Variants in CDH12 observed in about 807,000 individuals in gnomAD.
CDH12 encodes the protein cadherin-12.
CDH12 carries 41 observed loss-of-function variants against 74.1 expected under a neutral mutation model. The ratio of observed to expected loss-of-function variants is 0.55; its 90% CI spans 0.43 to 0.72. The LOEUF (loss-of-function observed/expected upper bound fraction) is 0.72. Among genes scored for constraint, CDH12 ranks in the 30% least tolerant of loss-of-function variants. CDH12 has a pLI of 0.00. For synonymous variants in CDH12, 399 were observed against 355.0 expected (o/e 1.12, Z -1.39); for missense variants, 945 against 977.2 (o/e 0.97, Z 0.44).
chr5:22,825,092 C>T (rs142271373), intron 1 of CDH12, among the ~76,000 whole-genome samples: 47 of 151,890 alleles, frequency 3.1e-4, no homozygotes, highest in African/African-American at 9.9e-4. Flanking sequence ...ATTCATTTAC[C>T]CATTCATTTA....
At chr5:22,161,666 T>C (rs1288590529) in intron 4 of CDH12, among the ~76,000 whole-genome samples, 1 of 149,336 alleles carries the variant, frequency 6.7e-6, no homozygotes, top group African/African-American at 2.5e-5. Context: ...AATTCCAGCC[T>C]GGATGACAGA....
At chr5:22,353,112 C>G (rs1002129743) in intron 3 of CDH12, among the ~76,000 whole-genome samples, 1 of 152,156 alleles carries the variant, frequency 6.6e-6, no homozygotes, top group African/African-American at 2.4e-5. Context: ...AGCACTGTTA[C>G]AGTCATCAGT....
At chr5:22,665,486 T>C (rs1243179485) in intron 1 of CDH12, among the ~76,000 whole-genome samples, 2 of 152,192 alleles carry the variant, frequency 1.3e-5, no homozygotes, top group African/African-American at 4.8e-5. Flanking sequence ...TCTAATGAGC[T>C]TCACAGTTGT....
intron 4 of CDH12, 31 bp from the exon 5 acceptor site, chr5:22,078,893 A>G: frequency 8.6e-7 from 1 of 1,166,496 alleles, no homozygotes; most frequent in South Asian, 2.7e-5. Context: ...GATACATTAA[A>G]TTAATGAAAT....
At chr5:22,632,758 AC>A (rs1395751962) in intron 1 of CDH12, among the ~76,000 whole-genome samples, 6 of 152,132 alleles carry the variant, frequency 3.9e-5, no homozygotes, top group African/African-American at 1.4e-4. Flanking sequence ...ATATGTGGAT[AC>A]ATTATGGCTG....
intron 1 of CDH12, among the ~76,000 whole-genome samples, chr5:22,641,371 G>A (rs140415656): frequency 3.9e-5 from 6 of 152,236 alleles, no homozygotes; most frequent in African/African-American, 1.2e-4. Context: ...CTCCAATAGA[G>A]AGAGAGGAAA....
intron 1 of CDH12, among the ~76,000 whole-genome samples, chr5:22,680,617 A>T (rs1425528185): frequency 6.6e-6 from 1 of 152,050 alleles, no homozygotes; most frequent in Non-Finnish European, 1.5e-5. Flanking sequence ...TAGCTGAACC[A>T]GGTTATAGTG....
chr5:21,885,064 T>C (rs756788325), intron 6 of CDH12, among the ~76,000 whole-genome samples: 3 of 152,054 alleles, frequency 2.0e-5, no homozygotes, highest in Non-Finnish European at 4.4e-5. Flanking sequence ...TTTTTGTGTT[T>C]TTAGTAGAGA....
intron 4 of CDH12, among the ~76,000 whole-genome samples, chr5:22,135,521 G>A (rs1746413840): frequency 6.6e-6 from 1 of 151,944 alleles, no homozygotes; most frequent in South Asian, 2.1e-4. Flanking sequence ...TATTAATGAG[G>A]ACTGTTGAAG....
At chr5:22,827,480 G>C (rs770811694) in intron 1 of CDH12, among the ~76,000 whole-genome samples, 21 of 152,156 alleles carry the variant, frequency 1.4e-4, no homozygotes, top group Non-Finnish European at 2.4e-4. Flanking sequence ...AGTGAAGAAG[G>C]GAAACGGGGG....
intron 4 of CDH12, among the ~76,000 whole-genome samples, chr5:22,117,538 A>AG (rs1167680281): frequency 3.9e-5 from 4 of 103,280 alleles, no homozygotes; most frequent in Non-Finnish European, 5.6e-5. Context: ...ATATATATAT[A>AG]TATAGTGTGT....
At chr5:22,656,244 C>G (rs1413543217) in intron 1 of CDH12, among the ~76,000 whole-genome samples, 1 of 152,028 alleles carries the variant, frequency 6.6e-6, no homozygotes, top group East Asian at 1.9e-4. Flanking sequence ...TTATTTTGTG[C>G]TAAGATTCTG....
intron 8 of CDH12, among the ~76,000 whole-genome samples, chr5:21,832,993 AT>A (rs1180757710): frequency 4.4e-4 from 35 of 79,974 alleles, no homozygotes; most frequent in Non-Finnish European, 6.3e-4. Context: ...AATATCATAT[AT>A]TAATATATTA....
chr5:22,764,979 CTG>C (rs1404504351), intron 1 of CDH12, among the ~76,000 whole-genome samples: 1 of 151,944 alleles, frequency 6.6e-6, no homozygotes, highest in African/African-American at 2.4e-5. Context: ...AAAACTGACA[CTG>C]AGGTAATTCT....
chr5:22,798,107 T>TTTGGCTGTAA (rs1748322282), intron 1 of CDH12, among the ~76,000 whole-genome samples: 1 of 152,144 alleles, frequency 6.6e-6, no homozygotes, highest in East Asian at 1.9e-4. Flanking sequence ...TATATATTAT[T>TTTGGCTGTAA]CTTATCCCCT....
chr5:22,810,127 T>C (rs927949501), intron 1 of CDH12, among the ~76,000 whole-genome samples: 13 of 152,202 alleles, frequency 8.5e-5, no homozygotes, highest in Non-Finnish European at 1.8e-4. Flanking sequence ...AGTTTGTATT[T>C]ATTCAGTGAC....
intron 2 of CDH12, among the ~76,000 whole-genome samples, chr5:22,478,417 CAA>C (rs34576542): frequency 2.3e-5 from 2 of 88,508 alleles, no homozygotes; most frequent in African/African-American, 4.7e-5. Flanking sequence ...GACTCCGTCT[CAA>C]AAAAAAAAAA....
chr5:21,770,563 A>G (rs898474076), intron 11 of CDH12, among the ~76,000 whole-genome samples: 38 of 151,532 alleles, frequency 2.5e-4, no homozygotes, highest in Non-Finnish European at 4.7e-4. Context: ...GGTAACAGTG[A>G]GCTGAGATTG....
At position 21,755,740 on chromosome 5, in the gene CDH12, T is replaced by C; in HGVS notation, c.1736A>G (p.Gln579Arg). ...AATAGTCATTGTGTTTGTGCTGCTC[T>C]GGACAGGGTAGCTGCTGTCTTCTAT... is the stretch of plus-strand genomic sequence containing the variant. ...VVIEDSSYPV[Q>R]SSTNTMTIRV... Residue 579 changes from glutamine to arginine, a missense_variant, in exon 14 of 15, where the codon CAG becomes CGG. Gln to Arg is a conservative substitution (Grantham distance 43). This residue lies in a region of CDH12 where 791 missense variants were observed against 792.8 expected (regional missense o/e 1.00). Transcript: ENST00000382254. The C allele has an allele frequency of 1.2e-6, 2 of 1,614,166 alleles. No homozygotes were observed. Among genetic ancestry groups the C allele is most frequent in the Non-Finnish European group, 1.7e-6 (2 of 1,180,026 alleles).
Sources: gnomAD v4.1 joint callset for allele counts (sites outside exome capture counted in the v4.1 genomes callset) on GRCh38, gnomAD v4.1.1 for gene constraint, gnomAD v4.1.1 regional missense constraint, MANE v1.5 for transcripts, NCBI Gene and HGNC (gene_info 2026-07-23, HGNC 2026-07-21) for gene names.